Variants in PTPRJ observed in about 807,000 individuals in gnomAD.
PTPRJ encodes the protein receptor-type tyrosine-protein phosphatase eta.
Under a neutral mutation model 141.3 loss-of-function variants are expected in PTPRJ, and 129 were observed. The ratio of observed to expected loss-of-function variants is 0.91; its 90% CI spans 0.79 to 1.06. The LOEUF is 1.06. Ranked by LOEUF, PTPRJ falls within the 50% of genes least tolerant of loss-of-function variation. PTPRJ has a pLI of 0.00. For missense variants in PTPRJ, 1,601 were observed against 1,679.7 expected (o/e 0.95, Z 0.82); for synonymous variants, 610 against 640.5 (o/e 0.95, Z 0.72).
chr11:48,022,680 T>TG (rs1193954657), intron 1 of PTPRJ, among the ~76,000 whole-genome samples: 1 of 152,022 alleles, frequency 6.6e-6, no homozygotes, highest in Non-Finnish European at 1.5e-5. Flanking sequence ...GGGGTGGATG[T>TG]GGGGGTAGTG....
At position 48,149,432 on chromosome 11, in the gene PTPRJ, TTTCTC is replaced by T. The variant is rs1857426490; in HGVS notation, c.3000-12_3000-8del. 6.7e-7 allele frequency: 1 copy of T among 1,503,122 alleles called. No homozygotes were observed. The highest frequency in any genetic ancestry group is 9.1e-7 in the Non-Finnish European group (1 of 1,093,514). 93.1% of individuals were successfully genotyped at this position (1,503,122 alleles called of 1,614,324 possible). On this transcript the variant is annotated splice_polypyrimidine_tract_variant and intron_variant, in intron 15 of 24. Transcript: ENST00000418331. ...ATCCTTTTTTGTCTAATGGGTCTCTTTTCTCTTAAAACAGGAAAGATGCAAAGAAT... is the reference window on the plus strand; with the variant it reads ...ATCCTTTTTTGTCTAATGGGTCTCTTTTAAAACAGGAAAGATGCAAAGAAT...
chr11:48,046,519 T>G, intron 1 of PTPRJ, among the ~76,000 whole-genome samples: 1 of 152,150 alleles, frequency 6.6e-6, no homozygotes, highest in Non-Finnish European at 1.5e-5. Context: ...GGCCTGAACT[T>G]GGCTTTGGTG....
chr11:47,994,772 G>GA (rs1318790009), intron 1 of PTPRJ, among the ~76,000 whole-genome samples: 7 of 152,176 alleles, frequency 4.6e-5, no homozygotes, highest in Admixed American at 3.9e-4. Flanking sequence ...CTTGCTGGAG[G>GA]GTCTCTGTTG....
At chr11:48,126,060 G>A (rs1423714129) in intron 6 of PTPRJ, among the ~76,000 whole-genome samples, 1 of 152,098 alleles carries the variant, frequency 6.6e-6, no homozygotes, top group East Asian at 1.9e-4. Flanking sequence ...CTATGTGGGT[G>A]CGGTTGGCAG....
In PTPRJ at chr11:48,018,962, G is replaced by C. The variant is rs1855027866; in HGVS notation, c.96+37954G>C. Among the ~76,000 whole-genome samples the C allele has an allele frequency of 2.6e-5, 4 of 152,274 alleles. No individual in the cohort carries two copies. The South Asian group carries it at 8.3e-4, about 32-fold the overall frequency. The stretch of plus-strand genomic sequence containing the variant: ...GTGGGGAGGGGGGCAGGGGAGTCGA[G>C]TTACCCTCTCTCCACGCTTTCTTCT... On this transcript the variant is annotated intron_variant, in intron 1 of 24. Coordinates refer to ENST00000418331, the MANE Select transcript of PTPRJ (RefSeq NM_002843.4).
At chr11:48,119,163 C>A (rs955078419) in intron 3 of PTPRJ, among the ~76,000 whole-genome samples, 7 of 152,134 alleles carry the variant, frequency 4.6e-5, no homozygotes, top group African/African-American at 1.7e-4. Context: ...GCTACCTGCA[C>A]CACTGTAACT....
intron 19 of PTPRJ, among the ~76,000 whole-genome samples, 160 bp from the exon 20 acceptor site, chr11:48,155,641 G>A (rs1040509710): frequency 9.2e-5 from 14 of 152,118 alleles, no homozygotes; most frequent in African/African-American, 3.4e-4. Context: ...GTGACCATGA[G>A]GATTAAATGA....
At chr11:48,007,610 C>T (rs1023260424) in intron 1 of PTPRJ, among the ~76,000 whole-genome samples, 4 of 152,142 alleles carry the variant, frequency 2.6e-5, no homozygotes, top group African/African-American at 9.7e-5. Flanking sequence ...GCCATGCTGG[C>T]CAGGGTGATC....
intron 1 of PTPRJ, chr11:48,044,851 G>T (rs1406249076): frequency 2.0e-5 from 3 of 152,288 alleles, no homozygotes; most frequent in Non-Finnish European, 4.4e-5. Flanking sequence ...CCAAGCTGCT[G>T]ACAGCATCTG....
At chr11:48,076,105 A>G (rs1855393835) in intron 1 of PTPRJ, among the ~76,000 whole-genome samples, 1 of 152,182 alleles carries the variant, frequency 6.6e-6, no homozygotes, top group Non-Finnish European at 1.5e-5. Context: ...CCTGGGTTCC[A>G]GTCTCACCCA....
rs1217371514 is a variant in PTPRJ at position 48,168,579 on chromosome 11, T to TAC, written c.*1218_*1219insCA. 2 of 119,918 alleles carry TAC rather than the reference T, an allele frequency of 1.7e-5. No individual in the cohort carries two copies. Among genetic ancestry groups the TAC allele is most frequent in the Non-Finnish European group, 3.5e-5 (2 of 57,600 alleles). 7.4% of individuals were successfully genotyped at this position (119,918 alleles called of 1,614,324 possible). On this transcript the variant is annotated 3_prime_UTR_variant, in exon 25 of 25. Transcript: ENST00000418331. ...ATATATATATATATATATATATATA[T>TAC]ATACACTAAGCTCTCAAAAACAGTC...
At chr11:48,104,231 G>A (rs1856231357) in intron 1 of PTPRJ, among the ~76,000 whole-genome samples, 1 of 152,172 alleles carries the variant, frequency 6.6e-6, no homozygotes, top group African/African-American at 2.4e-5. Flanking sequence ...AAGCTTTTGG[G>A]TGTTCCTTGT....
At chr11:48,162,653 C>G (rs1369208465) in intron 22 of PTPRJ, among the ~76,000 whole-genome samples, 1 of 152,194 alleles carries the variant, frequency 6.6e-6, no homozygotes, top group Non-Finnish European at 1.5e-5. Context: ...GAAATGCCTG[C>G]AGTGCAGATG....
At chr11:48,082,506 C>G (rs1427384047) in intron 1 of PTPRJ, among the ~76,000 whole-genome samples, 1 of 150,422 alleles carries the variant, frequency 6.6e-6, no homozygotes, top group Non-Finnish European at 1.5e-5. Flanking sequence ...GCCTCTGTCT[C>G]CTGGGCTTAA....
intron 11 of PTPRJ, among the ~76,000 whole-genome samples, chr11:48,142,449 A>C (rs1211107879): frequency 6.6e-6 from 1 of 152,150 alleles, no homozygotes; most frequent in Non-Finnish European, 1.5e-5. Context: ...GTCTTCCAAC[A>C]ATGTGAAGTC....
chr11:48,046,913 T>TATATATATA (rs374032992), intron 1 of PTPRJ, among the ~76,000 whole-genome samples: 2 of 56,720 alleles, frequency 3.5e-5, no homozygotes, highest in Non-Finnish European at 5.9e-5. Context: ...TATATATATA[T>TATATATATA]TTTTTTTTTT....
intron 1 of PTPRJ, among the ~76,000 whole-genome samples, chr11:48,036,113 T>A (rs1854118563): frequency 6.6e-6 from 1 of 152,246 alleles, no homozygotes; most frequent in Non-Finnish European, 1.5e-5. Flanking sequence ...TAGAGGGGCC[T>A]CTTTAATTTA....
chr11:48,101,449 T>C (rs1395278814), intron 1 of PTPRJ, among the ~76,000 whole-genome samples: 1 of 152,244 alleles, frequency 6.6e-6, no homozygotes, highest in African/African-American at 2.4e-5. Context: ...TCTGGGACTG[T>C]TGACCTCACT....
chr11:48,114,602 T>G (rs1200880652), intron 3 of PTPRJ, among the ~76,000 whole-genome samples: 1 of 152,098 alleles, frequency 6.6e-6, no homozygotes, highest in Non-Finnish European at 1.5e-5. Context: ...TCTACAATGA[T>G]TGGAATAAGA....
Sources: gnomAD v4.1 joint callset for allele counts (sites outside exome capture counted in the v4.1 genomes callset) on GRCh38, gnomAD v4.1.1 for gene constraint, MANE v1.5 for transcripts, NCBI Gene and HGNC (gene_info 2026-07-23, HGNC 2026-07-21) for gene names.